Variants in PACRG observed in about 807,000 individuals in gnomAD.
The protein encoded by PACRG is parkin coregulated gene protein.
A neutral mutation model predicts 29.7 loss-of-function variants in PACRG; 29 were observed. The observed-to-expected ratio is 0.98, with a 90% confidence interval of 0.73 to 1.33. The LOEUF (loss-of-function observed/expected upper bound fraction) is 1.33. Ranked by LOEUF, PACRG falls within the 40% of genes most tolerant of loss-of-function variation. The pLI, the probability that PACRG is intolerant of heterozygous loss-of-function variation, is 0.00. For synonymous variants in PACRG, 116 were observed against 118.7 expected (o/e 0.98, Z 0.15); for missense variants, 279 against 316.2 (o/e 0.88, Z 0.89).
chr6:163,298,945 G>A (rs1284453878), intron 4 of PACRG, among the ~76,000 whole-genome samples: 2 of 152,192 alleles, frequency 1.3e-5, no homozygotes, highest in Non-Finnish European at 2.9e-5. Flanking sequence ...CATCGTGCCT[G>A]TAGTGGCCCC....
intron 1 of PACRG, among the ~76,000 whole-genome samples, chr6:162,783,823 A>T (rs1468604341): frequency 6.6e-6 from 1 of 152,106 alleles, no homozygotes; most frequent in Non-Finnish European, 1.5e-5. Context: ...CTAACAGCAT[A>T]TAAGTGTATT....
intron 2 of PACRG, among the ~76,000 whole-genome samples, chr6:162,955,961 C>T (rs532654182): frequency 1.4e-4 from 22 of 152,072 alleles, no homozygotes; most frequent in Non-Finnish European, 2.1e-4. Context: ...AGCAGCCTGG[C>T]GACATGGTGG....
chr6:163,290,774 G>C (rs994594566), intron 4 of PACRG, among the ~76,000 whole-genome samples: 1 of 152,182 alleles, frequency 6.6e-6, no homozygotes, highest in Non-Finnish European at 1.5e-5. Context: ...GAGCACTTAA[G>C]CTAGTGCCTT....
At chr6:163,045,652 T>C (rs965298547) in intron 2 of PACRG, among the ~76,000 whole-genome samples, 5 of 131,562 alleles carry the variant, frequency 3.8e-5, no homozygotes, top group African/African-American at 5.9e-5. Context: ...AGATGGAGTC[T>C]CGCTCTGTCC....
chr6:162,985,793 A>G (rs1380325119), intron 2 of PACRG, among the ~76,000 whole-genome samples: 1 of 152,090 alleles, frequency 6.6e-6, no homozygotes, highest in Non-Finnish European at 1.5e-5. Flanking sequence ...ATATGATTGT[A>G]TACCTAGAAA....
intron 2 of PACRG, among the ~76,000 whole-genome samples, chr6:162,843,890 G>A (rs1790057124): frequency 3.0e-5 from 2 of 66,508 alleles, no homozygotes; most frequent in Non-Finnish European, 3.0e-5. Context: ...GCTGGGGGGT[G>A]CCTCCCAGTT....
In PACRG at chr6:163,197,434, C is replaced by CTTTTTTT. The variant is rs57942658; in HGVS notation, c.613+108045_613+108051dup. On this transcript the variant is annotated intron_variant, in intron 4 of 4. Coordinates refer to ENST00000366888, the MANE Select transcript of PACRG (RefSeq NM_001080379.2). ...ACTGGTGGCTATTTTCTTTTCTTTT[C>CTTTTTTT]TTTTTTTTTTTTTTTTTTTTTTTTT... 4.1e-4 allele frequency among the ~76,000 whole-genome samples: 44 copies of CTTTTTTT among 106,280 alleles called. 1 individual carries two copies. Among genetic ancestry groups the CTTTTTTT allele is most frequent in the Non-Finnish European group, 5.2e-4 (27 of 52,118 alleles). 69.7% of individuals were successfully genotyped at this position (106,280 alleles called of 152,430 possible).
At chr6:163,308,527 A>G (rs998444360) in intron 4 of PACRG, among the ~76,000 whole-genome samples, 1 of 152,150 alleles carries the variant, frequency 6.6e-6, no homozygotes, top group African/African-American at 2.4e-5. Flanking sequence ...TTAGCTGGGC[A>G]TCGTGATGCA....
intron 4 of PACRG, among the ~76,000 whole-genome samples, chr6:163,213,625 A>T (rs1329819659): frequency 6.6e-6 from 1 of 152,136 alleles, no homozygotes; most frequent in African/African-American, 2.4e-5. Context: ...TACTTTTTTT[A>T]TGAAGCCTCT....
chr6:163,253,095 G>A (rs550567563), intron 4 of PACRG, among the ~76,000 whole-genome samples: 8 of 152,080 alleles, frequency 5.3e-5, no homozygotes, highest in Admixed American at 2.6e-4. Flanking sequence ...CCAGGAGGTC[G>A]AGACCAGCCT....
At chr6:163,176,656 C>T (rs146262242) in intron 4 of PACRG, among the ~76,000 whole-genome samples, 95 of 152,182 alleles carry the variant, frequency 6.2e-4, no homozygotes, top group African/African-American at 1.2e-3. Context: ...TGTGGTAGAC[C>T]GTGAGAGTGA....
chr6:163,270,602 G>A (rs1783789934), intron 4 of PACRG, among the ~76,000 whole-genome samples: 1 of 151,858 alleles, frequency 6.6e-6, no homozygotes, highest in Non-Finnish European at 1.5e-5. Flanking sequence ...TCAAACTCCT[G>A]GGCTCAAGCA....
chr6:163,295,530 T>C (rs567832693), intron 4 of PACRG, among the ~76,000 whole-genome samples: 1 of 152,358 alleles, frequency 6.6e-6, no homozygotes, highest in Non-Finnish European at 1.5e-5. Flanking sequence ...CACCATGAAC[T>C]CCTTGAATTG....
chr6:162,936,841 T>G (rs1320564888), intron 2 of PACRG, among the ~76,000 whole-genome samples: 2 of 152,120 alleles, frequency 1.3e-5, no homozygotes, highest in Non-Finnish European at 2.9e-5. Context: ...ACCCATTTAC[T>G]TTCATGGTCT....
intron 2 of PACRG, chr6:162,892,051 A>C (rs1794804044): frequency 6.6e-6 from 1 of 152,414 alleles, no homozygotes; most frequent in Non-Finnish European, 1.5e-5. Context: ...TGCTCCTGGA[A>C]GACTGACTAC....
rs185435515 is a variant in PACRG at position 163,193,824 on chromosome 6, G to A, written c.613+104416G>A. ...TGTAGTACACATTTTAAACATATTG[G>A]AGAAAACATAGAATCAGAGACTTTT... On this transcript the variant is annotated intron_variant, in intron 4 of 4. Coordinates refer to ENST00000366888, the MANE Select transcript of PACRG (RefSeq NM_001080379.2). 2.3e-4 allele frequency among the ~76,000 whole-genome samples: 35 copies of A among 151,604 alleles called. 1 individual carries two copies. The East Asian group carries it at 3.5e-3, about 15-fold the overall frequency.
intron 2 of PACRG, among the ~76,000 whole-genome samples, chr6:162,975,400 G>C (rs548300958): frequency 6.6e-6 from 1 of 152,300 alleles, no homozygotes; most frequent in African/African-American, 2.4e-5. Context: ...ATTGCAATAA[G>C]TACTAGAGAA....
intron 4 of PACRG, among the ~76,000 whole-genome samples, chr6:163,182,042 A>G (rs186528874): frequency 3.8e-4 from 58 of 152,300 alleles, no homozygotes; most frequent in Non-Finnish European, 7.1e-4. Context: ...AAGGATTCTT[A>G]GTCAAATTTC....
intron 1 of PACRG, among the ~76,000 whole-genome samples, chr6:162,803,749 C>T (rs1056243338): frequency 6.6e-6 from 1 of 152,098 alleles, no homozygotes; most frequent in Admixed American, 6.5e-5. Context: ...AGAAAATGCT[C>T]ATCCTCCTTT....
Sources: gnomAD v4.1 joint callset for allele counts (sites outside exome capture counted in the v4.1 genomes callset) on GRCh38, gnomAD v4.1.1 for gene constraint, MANE v1.5 for transcripts, NCBI Gene and HGNC (gene_info 2026-07-23, HGNC 2026-07-21) for gene names.